Variants in SEL1L3 observed in about 807,000 individuals in gnomAD.
The protein encoded by SEL1L3 is SEL1L family member 3, also known as protein sel-1 homolog 3.
Under a neutral mutation model 142.8 loss-of-function variants are expected in SEL1L3, and 76 were observed. The observed-to-expected ratio is 0.53, with a 90% CI of 0.44 to 0.64. The LOEUF (loss-of-function observed/expected upper bound fraction) is 0.64, where lower values mean the gene tolerates loss of function less well. Ranked by LOEUF, SEL1L3 falls within the 30% of genes least tolerant of loss-of-function variation. The probability of loss-of-function intolerance (pLI) is 0.00; values close to 1 mark genes in which losing one functional copy is unlikely to be tolerated. For missense variants in SEL1L3, 1,262 were observed against 1,381.7 expected (o/e 0.91, Z 1.37); for synonymous variants, 504 against 519.6 (o/e 0.97, Z 0.41).
intron 16 of SEL1L3, among the ~76,000 whole-genome samples, chr4:25,778,645 G>A (rs1719798333): frequency 6.6e-6 from 1 of 152,126 alleles, no homozygotes; most frequent in African/African-American, 2.4e-5. Context: ...GCTGAGTAGT[G>A]GGAGGTGGCA....
chr4:25,852,133 T>C (rs1180153775), intron 1 of SEL1L3, among the ~76,000 whole-genome samples: 1 of 152,170 alleles, frequency 6.6e-6, no homozygotes, highest in Non-Finnish European at 1.5e-5. Context: ...CATCTCATAA[T>C]TAGAAGCAGA....
At position 25,829,504 on chromosome 4, in the gene SEL1L3, T is replaced by C. The variant is rs79688520; in HGVS notation, c.1157+594A>G. Among the ~76,000 whole-genome samples, 42 of 152,332 alleles carry C rather than the reference T, an allele frequency of 2.8e-4. No homozygotes were observed. In the East Asian group the frequency reaches 6.2e-3, roughly 22 times the overall value. ...GGTATCCTGAATTCCTAATGAAGGTTGCCCCATGGTTCTGACACTATAAAA... is the reference window on the plus strand; with the variant it reads ...GGTATCCTGAATTCCTAATGAAGGTCGCCCCATGGTTCTGACACTATAAAA... On this transcript the variant is annotated intron_variant, in intron 6 of 23. Coordinates refer to ENST00000399878, the MANE Select transcript of SEL1L3 (RefSeq NM_015187.5).
chr4:25,763,796 C>CCA (rs1321256133), intron 20 of SEL1L3, among the ~76,000 whole-genome samples: 1 of 152,124 alleles, frequency 6.6e-6, no homozygotes, highest in African/African-American at 2.4e-5. Context: ...GCTGAGTGTG[C>CCA]CACTGCATTT....
chr4:25,787,651 A>G (rs756041001), intron 13 of SEL1L3, among the ~76,000 whole-genome samples: 26 of 152,114 alleles, frequency 1.7e-4, no homozygotes, highest in Non-Finnish European at 3.5e-4. Flanking sequence ...ACGGCATTTT[A>G]TGGTCCCCAA....
intron 11 of SEL1L3, among the ~76,000 whole-genome samples, chr4:25,798,688 C>T (rs1003558095): frequency 7.2e-5 from 11 of 152,080 alleles, no homozygotes; most frequent in African/African-American, 9.7e-5. Context: ...ATTAGCCGGG[C>T]GTGGTGGCAC....
chr4:25,842,394 CG>C (rs1421613158), intron 2 of SEL1L3, among the ~76,000 whole-genome samples: 10 of 151,322 alleles, frequency 6.6e-5, no homozygotes, highest in Admixed American at 2.0e-4. Context: ...CAGGGGGAGT[CG>C]GGGCGGAACA....
intron 23 of SEL1L3, chr4:25,756,184 C>T: frequency 1.0e-6 from 1 of 985,386 alleles, no homozygotes; most frequent in Non-Finnish European, 1.2e-6. Flanking sequence ...CTAATCTACC[C>T]ATTTGTAAAT....
chr4:25,736,805 T>C, the SEL1L3 span, among the ~76,000 whole-genome samples: 2 of 152,288 alleles, frequency 1.3e-5, no homozygotes, highest in East Asian at 3.9e-4. Context: ...TTTTGCTTTA[T>C]ACATTTGTCA....
the SEL1L3 span, among the ~76,000 whole-genome samples, chr4:25,731,561 C>T: frequency 1.1e-3 from 164 of 152,254 alleles, 1 homozygote; most frequent in African/African-American, 3.9e-3. Context: ...GGTTAGTTTG[C>T]GTTTTCTAGA....
chr4:25,790,460 C>A lies in SEL1L3; in HGVS notation c.2071G>T (p.Ala691Ser), dbSNP rs776706292. The A allele has an allele frequency of 6.2e-7, 1 of 1,613,786 alleles. No homozygotes were observed. The highest frequency in any genetic ancestry group is 8.5e-7 in the Non-Finnish European group (1 of 1,179,760). ...ACAGTAGCCTGCGTTTTTACCTGAG[C>A]TGCTGCATTGCCTCGGGTAGCTTCA... ...KHEATRGNAA[A>S]QQRLAQMLFW... The change falls in exon 12 of 24, where the codon GCT (alanine) becomes TCT (serine). Residue 691 changes from alanine to serine, a missense_variant. Physicochemically the swap from Ala to Ser is moderately conservative, Grantham distance 99. Coordinates refer to ENST00000399878, the MANE Select transcript of SEL1L3 (RefSeq NM_015187.5).
chr4:25,825,815 C>T (rs1715061448), intron 6 of SEL1L3, among the ~76,000 whole-genome samples: 1 of 151,816 alleles, frequency 6.6e-6, no homozygotes, highest in Non-Finnish European at 1.5e-5. Flanking sequence ...GCTGGGAATA[C>T]AGGCATGCGC....
chr4:25,799,014 A>G (rs1318059181), intron 11 of SEL1L3, among the ~76,000 whole-genome samples: 2 of 151,996 alleles, frequency 1.3e-5, no homozygotes, highest in African/African-American at 4.8e-5. Flanking sequence ...TGGCTTGCAG[A>G]TGGCTGTCAT....
At chr4:25,714,555 C>CTTTCTTTCTTT in the SEL1L3 span, among the ~76,000 whole-genome samples, 2 of 65,816 alleles carry the variant, frequency 3.0e-5, no homozygotes, top group Non-Finnish European at 7.5e-5. Context: ...TTTCTTTCTT[C>CTTTCTTTCTTT]TTTCTTTCTT....
chr4:25,793,322 A>G (rs1406832475), intron 11 of SEL1L3, among the ~76,000 whole-genome samples: 1 of 152,130 alleles, frequency 6.6e-6, no homozygotes, highest in Non-Finnish European at 1.5e-5. Context: ...TCACTCTGTC[A>G]CCCAGACTGG....
chr4:25,787,132 T>C (rs1042982731), intron 13 of SEL1L3, among the ~76,000 whole-genome samples: 24 of 152,230 alleles, frequency 1.6e-4, no homozygotes, highest in African/African-American at 5.8e-4. Context: ...TAGATCCCAG[T>C]CCCAGGTCAG....
chr4:25,750,409 G>T (rs774206786), intron 23 of SEL1L3, among the ~76,000 whole-genome samples: 2 of 152,152 alleles, frequency 1.3e-5, no homozygotes, highest in Non-Finnish European at 2.9e-5. Flanking sequence ...AAGAACATCT[G>T]CTTGCCGACT....
chr4:25,850,523 G>A (rs1212442414), intron 1 of SEL1L3, among the ~76,000 whole-genome samples: 3 of 152,174 alleles, frequency 2.0e-5, no homozygotes, highest in Non-Finnish European at 4.4e-5. Flanking sequence ...GGCCAATCAA[G>A]TAATATCTAC....
intron 23 of SEL1L3, among the ~76,000 whole-genome samples, chr4:25,749,207 G>A (rs1717431145): frequency 6.6e-6 from 1 of 152,154 alleles, no homozygotes; most frequent in Admixed American, 6.5e-5. Context: ...TGTGAATTGA[G>A]AGTCTTGGAT....
intron 2 of SEL1L3, among the ~76,000 whole-genome samples, chr4:25,840,648 T>C (rs1257055132): frequency 6.6e-6 from 1 of 152,100 alleles, no homozygotes; most frequent in African/African-American, 2.4e-5. Context: ...CTTCCAAGAG[T>C]GTTCCTAAAC....
Sources: allele counts gnomAD v4.1 joint callset (sites outside exome capture counted in the v4.1 genomes callset), GRCh38; gene constraint gnomAD v4.1.1; transcripts MANE v1.5; gene names NCBI Gene and HGNC (gene_info 2026-07-23, HGNC 2026-07-21).